The following DAB1 variants were observed in gnomAD, a reference collection of about 807,000 sequenced individuals.
DAB1 encodes the protein disabled homolog 1.
In DAB1, 15 loss-of-function variants were observed where a neutral mutation model predicts 64.6. That is an observed-to-expected ratio of 0.23 (90% CI 0.16 to 0.36). The LOEUF (loss-of-function observed/expected upper bound fraction) is 0.36, where lower values mean the gene tolerates loss of function less well. Ranked by LOEUF, DAB1 falls within the 10% of genes least tolerant of loss-of-function variation. The pLI, the probability that DAB1 is intolerant of heterozygous loss-of-function variation, is 1.00. For missense variants in DAB1, 596 were observed against 706.7 expected, an observed-to-expected ratio of 0.84 and a Z score of 1.78; for synonymous variants, 235 against 251.9, an observed-to-expected ratio of 0.93 and a Z score of 0.64.
chr1:57,732,891 T>C lies in DAB1; in HGVS notation n.552-83226A>G, dbSNP rs963788944. On this transcript the variant is annotated intron_variant and non_coding_transcript_variant, in intron 6 of 20. Coordinates refer to the DAB1 transcript ENST00000485760. Reference sequence around the variant, plus strand: ...TGACTTGTGAAGAAGGAACCTATTCTTGGTTTAAGGCTCTGCCATTGTTAT... The same window carrying C: ...TGACTTGTGAAGAAGGAACCTATTCCTGGTTTAAGGCTCTGCCATTGTTAT... 4.9e-4 allele frequency among the ~76,000 whole-genome samples: 75 copies of C among 152,208 alleles called. 1 individual carries two copies. Among genetic ancestry groups the C allele is most frequent in the Admixed American group, 4.4e-3 (68 of 15,284 alleles).
At chr1:57,162,631 G>A (rs556142624) in intron 2 of DAB1, among the ~76,000 whole-genome samples, 2 of 152,282 alleles carry the variant, frequency 1.3e-5, no homozygotes, top group African/African-American at 4.8e-5. Context: ...AAAATCCAAG[G>A]GATTTAAGTG....
intron 4 of DAB1, among the ~76,000 whole-genome samples, chr1:58,229,735 A>G (rs1165169453): frequency 6.6e-6 from 1 of 152,236 alleles, no homozygotes. Context: ...CCTGGCCTCC[A>G]AGCTTTTAAT....
At chr1:58,433,040 T>C (rs1337141651) in intron 3 of DAB1, among the ~76,000 whole-genome samples, 13 of 152,184 alleles carry the variant, frequency 8.5e-5, no homozygotes, top group Non-Finnish European at 1.5e-5. Context: ...TGTGCTCCCA[T>C]GTGTGGATAA....
intron 7 of DAB1, among the ~76,000 whole-genome samples, chr1:57,562,053 G>A (rs1645058824): frequency 6.6e-6 from 1 of 152,188 alleles, no homozygotes; most frequent in African/African-American, 2.4e-5. Flanking sequence ...CGCTGTCTCT[G>A]ACCAAGGCAC....
intron 1 of DAB1, among the ~76,000 whole-genome samples, chr1:58,536,081 A>G (rs933861061): frequency 1.3e-5 from 2 of 152,164 alleles, no homozygotes; most frequent in African/African-American, 4.8e-5. Context: ...TGTTACTCTC[A>G]TGAGTGCTTT....
At chr1:57,749,527 G>A (rs1648453551) in intron 6 of DAB1, among the ~76,000 whole-genome samples, 1 of 152,200 alleles carries the variant, frequency 6.6e-6, no homozygotes, top group African/African-American at 2.4e-5. Flanking sequence ...TGGTGACAAT[G>A]AGGTGGAACG....
At chr1:57,502,969 A>G (rs918745384) in intron 7 of DAB1, among the ~76,000 whole-genome samples, 1 of 152,212 alleles carries the variant, frequency 6.6e-6, no homozygotes, top group Non-Finnish European at 1.5e-5. Flanking sequence ...TTCTCCTTTT[A>G]ACAATCTCCA....
At chr1:57,114,965 A>G (rs922706615) in intron 4 of DAB1, among the ~76,000 whole-genome samples, 1 of 151,994 alleles carries the variant, frequency 6.6e-6, no homozygotes, top group African/African-American at 2.4e-5. Context: ...TAGTATCCAT[A>G]TAGTGGGGTT....
intron 2 of DAB1, among the ~76,000 whole-genome samples, chr1:57,227,765 C>A (rs1667383516): frequency 6.6e-6 from 1 of 152,000 alleles, no homozygotes; most frequent in South Asian, 2.1e-4. Flanking sequence ...ACCATGTTGC[C>A]AGGCTGATCT....
At chr1:57,702,139 T>A (rs956374717) in intron 6 of DAB1, among the ~76,000 whole-genome samples, 19 of 152,196 alleles carry the variant, frequency 1.2e-4, no homozygotes, top group African/African-American at 4.6e-4. Context: ...GTTATATTTT[T>A]TTCTTGAATA....
intron 4 of DAB1, among the ~76,000 whole-genome samples, chr1:57,122,926 T>C (rs1164094632): frequency 6.6e-6 from 1 of 152,090 alleles, no homozygotes; most frequent in East Asian, 1.9e-4. Flanking sequence ...TTGCAAAATA[T>C]CTCCAAAGAG....
At chr1:57,704,030 C>T (rs1054080620) in intron 6 of DAB1, among the ~76,000 whole-genome samples, 2 of 151,880 alleles carry the variant, frequency 1.3e-5, no homozygotes, top group South Asian at 2.1e-4. Flanking sequence ...ACACGGTGGC[C>T]CATTGGAGGG....
intron 4 of DAB1, among the ~76,000 whole-genome samples, chr1:58,238,823 T>C (rs114782623): frequency 0.013 from 2,010 of 152,306 alleles, 40 homozygotes; most frequent in African/African-American, 0.046. Flanking sequence ...AGCCCCATTT[T>C]TGTGCTTTCT....
intron 7 of DAB1, chr1:57,606,058 C>A: frequency 1.7e-6 from 1 of 580,962 alleles, no homozygotes; most frequent in Non-Finnish European, 3.2e-6. Context: ...TGGTCCTTTC[C>A]CTTTGATATT....
chr1:58,407,865 G>A (rs1644631043), intron 3 of DAB1, among the ~76,000 whole-genome samples: 1 of 151,974 alleles, frequency 6.6e-6, no homozygotes, highest in Non-Finnish European at 1.5e-5. Context: ...AAAACCTATG[G>A]CTTCCCACTG....
intron 7 of DAB1, among the ~76,000 whole-genome samples, chr1:57,540,195 T>C (rs894580956): frequency 2.6e-5 from 4 of 152,122 alleles, no homozygotes; most frequent in African/African-American, 9.7e-5. Flanking sequence ...TATGAAAAAA[T>C]GTTCAACATA....
At chr1:58,148,202 T>C (rs905449320) in intron 5 of DAB1, among the ~76,000 whole-genome samples, 10 of 152,178 alleles carry the variant, frequency 6.6e-5, no homozygotes, top group African/African-American at 2.4e-4. Context: ...TAGCCACACA[T>C]GCCTTAGTCC....
intron 3 of DAB1, among the ~76,000 whole-genome samples, chr1:58,377,798 GCA>G (rs1644343706): frequency 7.9e-6 from 1 of 126,548 alleles, no homozygotes; most frequent in Non-Finnish European, 1.8e-5. Context: ...TCCATTCTCC[GCA>G]TCACTTTCAG....
At chr1:57,950,327 C>A (rs987039735) in intron 5 of DAB1, among the ~76,000 whole-genome samples, 2 of 152,142 alleles carry the variant, frequency 1.3e-5, no homozygotes, top group African/African-American at 2.4e-5. Flanking sequence ...CATAGCAAAT[C>A]CTTAATAAAT....
Sources: allele counts gnomAD v4.1 joint callset (sites outside exome capture counted in the v4.1 genomes callset), GRCh38; gene constraint gnomAD v4.1.1; transcripts MANE v1.5; gene names NCBI Gene and HGNC (gene_info 2026-07-23, HGNC 2026-07-21).